FAM98C: variants seen among roughly 807,000 people sequenced by gnomAD.
FAM98C encodes protein FAM98C.
FAM98C carries 38 observed loss-of-function variants against 41.1 expected under a neutral mutation model. That is an observed-to-expected ratio of 0.92 (90% CI 0.71 to 1.21). The LOEUF (loss-of-function observed/expected upper bound fraction) is 1.21, where lower values mean the gene tolerates loss of function less well. Among genes scored for constraint, FAM98C ranks in the 50% most tolerant of loss-of-function variants. FAM98C has a pLI of 0.00. For missense variants in FAM98C, 493 were observed against 484.7 expected (o/e 1.02, Z -0.16); for synonymous variants, 195 against 216.7 (o/e 0.90, Z 0.88).
chr19:38,404,854 G>A, intron 3 of FAM98C, 54 bp from the exon 4 acceptor site: 2 of 1,599,860 alleles, frequency 1.3e-6, no homozygotes, highest in Admixed American at 1.7e-5. Flanking sequence ...TGACCAAGAT[G>A]GATGAGTGGG....
In FAM98C at chr19:38,405,058, C is replaced by T. The variant is rs1408127901; in HGVS notation, c.500C>T (p.Pro167Leu). The change falls in exon 4 of 8, where the codon CCC becomes CTC. Residue 167 changes from proline to leucine, a missense_variant. Transcript: ENST00000252530. ...CTTACCCTCCAAGCCCTGGGGCTGC[C>T]CAGACCTGCACCAGGGACCCCCGCC... ...LDLTLQALGL[P>L]RPAPGTPASQ... 6 of 1,613,642 alleles carry T rather than the reference C, an allele frequency of 3.7e-6. No individual in the cohort carries two copies. The Admixed American group carries it at 1.0e-4, about 27-fold the overall frequency.
Position 38,405,097 on chromosome 19 carries a change from A to G in FAM98C, c.539A>G (p.Gln180Arg), listed in dbSNP as rs1419086634. ...APGTPASQLL[Q>R]ELHAKISELQ... ...GGGACCCCCGCCAGCCAGCTGCTGCAGGAGTTGCATGCTAAGGTAGAGAGT... is the reference window on the plus strand; with the variant it reads ...GGGACCCCCGCCAGCCAGCTGCTGCGGGAGTTGCATGCTAAGGTAGAGAGT... Residue 180 changes from glutamine (Q) to arginine (R), a missense_variant, in exon 4 of 8, where the codon CAG becomes CGG. Physicochemically the swap from Gln to Arg is conservative, Grantham distance 43 (BLOSUM62 1). Coordinates refer to ENST00000252530, the MANE Select transcript of FAM98C (RefSeq NM_174905.4). 6.2e-7 allele frequency: 1 copy of G among 1,611,036 alleles called. No homozygotes were observed. Among genetic ancestry groups the G allele is most frequent in the Non-Finnish European group, 8.5e-7 (1 of 1,177,944 alleles).
Position 38,404,771 on chromosome 19 carries a change from C to T in FAM98C, c.350-137C>T, listed in dbSNP as rs570110624. On this transcript the variant is annotated intron_variant, in intron 3 of 7. Coordinates refer to ENST00000252530, the MANE Select transcript of FAM98C (RefSeq NM_174905.4). ...GTCTCCATCTCCTGACCTCGTGATC[C>T]GCCCGCCTCTGCCTCCCAAAGTGCT... The T allele has an allele frequency of 7.2e-5, 64 of 891,086 alleles. No homozygotes were observed. In the African/African-American group the frequency reaches 7.7e-4, roughly 11 times the overall value. The allele number at this position is 891,086 out of a possible 1,614,324, so 55.2% of individuals were successfully genotyped here.
chr19:38,405,754 A>C (rs1687250883), intron 6 of FAM98C, 119 bp downstream of exon 6: 17 of 943,158 alleles, frequency 1.8e-5, no homozygotes, highest in Non-Finnish European at 2.6e-5. Flanking sequence ...GGCCATGGAC[A>C]TTTTATAATT....
chr19:38,405,717 G>C (rs886461762), intron 6 of FAM98C, 82 bp downstream of exon 6: 23 of 1,320,204 alleles, frequency 1.7e-5, no homozygotes, highest in Admixed American at 3.4e-5. Flanking sequence ...ATGAGGGCCA[G>C]GAGTATCACC....
At chr19:38,403,805 C>T (rs1971001394) in intron 3 of FAM98C, 111 bp downstream of exon 3, 2 of 1,274,748 alleles carry the variant, frequency 1.6e-6, no homozygotes, top group African/African-American at 1.6e-5. Context: ...TTTGGGGCGG[C>T]CCAGAGGGTA....
chr19:38,408,879 G>A lies in FAM98C; in HGVS notation c.1047G>A (p.Lys349=), dbSNP rs781334100. ...QCWGRKKKKK[K] is the part of the protein sequence containing the mutation. ...GGGGTCGCAAGAAGAAGAAGAAGAA[G>A]TAAAGGGGGACTGGTGGTCGGGGGC... is the stretch of plus-strand genomic sequence containing the variant. The change falls in exon 8 of 8, where the codon AAG becomes AAA. Residue 349 remains lysine, a synonymous_variant. Transcript: ENST00000252530. 16 of 1,573,082 alleles carry A rather than the reference G, an allele frequency of 1.0e-5. No homozygotes were observed. In the South Asian group the frequency reaches 1.5e-4, roughly 15 times the overall value.
chr19:38,403,528 G>T, intron 2 of FAM98C, 32 bp from the exon 3 acceptor site: 2 of 1,446,502 alleles, frequency 1.4e-6, no homozygotes, highest in Non-Finnish European at 1.8e-6. Flanking sequence ...CCGCCACGGG[G>T]CCACCGAGCC....
In FAM98C at chr19:38,403,583, C is replaced by T; in HGVS notation, c.238C>T (p.Leu80=). The T allele has an allele frequency of 1.3e-6, 2 of 1,499,638 alleles. No individual in the cohort carries two copies. The highest frequency in any genetic ancestry group is 1.3e-5 in the South Asian group (1 of 79,748). The allele number at this position is 1,499,638 out of a possible 1,614,324, so 92.9% of individuals were successfully genotyped here. The change falls in exon 3 of 8, where the codon CTG becomes TTG. Residue 80 remains leucine, a synonymous_variant. Transcript: ENST00000252530. ...AGGCCCTGGCGCGGAGGAGGACTTT[C>T]TGCGGCAGCTCGGCAGCCTGCTGCG... The part of the protein sequence containing the change: ...GDGPGAEEDF[L]RQLGSLLREL...
intron 3 of FAM98C, among the ~76,000 whole-genome samples, chr19:38,404,036 G>A (rs1971004888): frequency 6.6e-6 from 1 of 152,054 alleles, no homozygotes; most frequent in Admixed American, 6.5e-5. Flanking sequence ...GAGTAGCTGG[G>A]ATTACAGGCG....
At chr19:38,406,653 G>T (rs969895137) in intron 6 of FAM98C, 14 of 388,986 alleles carry the variant, frequency 3.6e-5, no homozygotes, top group Non-Finnish European at 6.5e-5. Flanking sequence ...GCATGGTGGC[G>T]CATGCTTGTC....
chr19:38,403,477 G>A lies in FAM98C; in HGVS notation c.205G>A (p.Ala69Thr), dbSNP rs1391102612. The change falls in exon 2 of 8, where the codon GCC becomes ACC. Residue 69 changes from alanine (A) to threonine (T), a missense_variant. Coordinates refer to ENST00000252530, the MANE Select transcript of FAM98C (RefSeq NM_174905.4). ...QREAGAEVLSAGDGPGAEEDF... is the reference protein window; with the variant it reads ...QREAGAEVLSTGDGPGAEEDF... ...AGAGGCGGGCGCGGAGGTGCTGAGC[G>A]CCGGCGACGGTAAACACGGAGCGGG... The A allele has an allele frequency of 4.0e-5, 56 of 1,405,672 alleles. 1 individual carries two copies. In the Admixed American group the frequency reaches 1.9e-3, roughly 48 times the overall value. 87.1% of individuals were successfully genotyped at this position (1,405,672 alleles called of 1,614,324 possible). A position where few individuals can be genotyped will look rare whatever the true frequency, so the allele number is the denominator to read the frequency against.
intron 6 of FAM98C, 144 bp downstream of exon 6, chr19:38,405,779 G>T (rs1406483842): frequency 1.2e-5 from 9 of 731,958 alleles, no homozygotes; most frequent in Non-Finnish European, 1.8e-5. Flanking sequence ...GAGGTTTGGG[G>T]CTCCTAGAAT....
At position 38,407,099 on chromosome 19, in the gene FAM98C, G is replaced by A. The variant is rs764863217; in HGVS notation, c.918+22G>A. ...CAAGGTGGGCATCTGGGGTAGGGAA[G>A]GGCCCTGGCATCCTTGGCCTTCAGA... On this transcript the variant is annotated intron_variant, in intron 7 of 7. Coordinates refer to ENST00000252530, the MANE Select transcript of FAM98C (RefSeq NM_174905.4). 7 of 1,609,610 alleles carry A rather than the reference G, an allele frequency of 4.3e-6. No homozygotes were observed. In the African/African-American group the frequency reaches 9.3e-5, roughly 21 times the overall value.
Position 38,403,394 on chromosome 19 carries a change from G to A in FAM98C, c.122G>A (p.Gly41Glu). 1 of 1,457,368 alleles carries A rather than the reference G, an allele frequency of 6.9e-7. No homozygotes were observed. Among genetic ancestry groups the A allele is most frequent in the Non-Finnish European group, 8.9e-7 (1 of 1,117,674 alleles). 90.3% of individuals were successfully genotyped at this position (1,457,368 alleles called of 1,614,324 possible). The change falls in exon 2 of 8, where the codon GGG becomes GAG. Residue 41 changes from glycine to glutamate, a missense_variant. Physicochemically the swap from Gly to Glu is moderately conservative, Grantham distance 98. Coordinates refer to ENST00000252530, the MANE Select transcript of FAM98C (RefSeq NM_174905.4). Reference sequence around the variant, plus strand: ...GGCGCCTCATGCCCAGACTTCAGGGGGCTGTGCGTGCGGCTGGCGGCGGAG... The same window carrying A: ...GGCGCCTCATGCCCAGACTTCAGGGAGCTGTGCGTGCGGCTGGCGGCGGAG... ...SRGASCPDFR[G>E]LCVRLAAELA...
intron 7 of FAM98C, chr19:38,407,624 C>T (rs1392222027): frequency 6.5e-6 from 1 of 153,128 alleles, no homozygotes; most frequent in Non-Finnish European, 1.5e-5. Context: ...CCGCCGTGGC[C>T]TCCTAAAGTG....
chr19:38,405,158 C>A, intron 4 of FAM98C, 45 bp downstream of exon 4: 1 of 1,574,526 alleles, frequency 6.4e-7, no homozygotes. Context: ...CCCCACTTTC[C>A]TTGTGGGGGT....
chr19:38,403,961 C>T (rs1971003698), intron 3 of FAM98C, among the ~76,000 whole-genome samples: 1 of 152,132 alleles, frequency 6.6e-6, no homozygotes, highest in South Asian at 2.1e-4. Flanking sequence ...AGTGCAGTGG[C>T]GTGATCTCGG....
rs939913770 is a variant in FAM98C at position 38,403,199 on chromosome 19, C to T, written c.46C>T (p.Gln16Ter). 1.9e-5 allele frequency: 29 copies of T among 1,557,280 alleles called. No homozygotes were observed. The highest frequency in any genetic ancestry group is 2.1e-5 in the Non-Finnish European group (24 of 1,159,530). The change falls in exon 1 of 8, where the codon CAG (glutamine) becomes TAG (stop). Residue 16 changes from glutamine to a stop codon, truncating the protein, a stop_gained. Transcript: ENST00000252530. LOFTEE classifies it high-confidence loss of function. ...AEAWEGAAVA[Q>*]DLLALGYGGV... Reference sequence around the variant, plus strand: ...AGCGTGGGAGGGGGCCGCGGTGGCCCAGGACCTGCTGGCTCTGGGGTAAAA... The same window carrying T: ...AGCGTGGGAGGGGGCCGCGGTGGCCTAGGACCTGCTGGCTCTGGGGTAAAA...
Sources: allele counts gnomAD v4.1 joint callset (sites outside exome capture counted in the v4.1 genomes callset), GRCh38; gene constraint gnomAD v4.1.1; transcripts MANE v1.5; gene names NCBI Gene and HGNC (gene_info 2026-07-23, HGNC 2026-07-21).